The following REXO5 variants were observed in gnomAD, a reference collection of about 807,000 sequenced individuals.
The protein encoded by REXO5 is exonuclease NEF-sp.
In REXO5, 48 loss-of-function variants were observed where a neutral mutation model predicts 88.5. The ratio of observed to expected loss-of-function variants is 0.54; its 90% confidence interval spans 0.43 to 0.69. The LOEUF is 0.69. Among genes scored for constraint, REXO5 ranks in the 30% least tolerant of loss-of-function variants. REXO5 has a pLI of 0.00. For missense variants in REXO5, 749 were observed against 912.2 expected, an observed-to-expected ratio of 0.82 and a Z score of 2.30; for synonymous variants, 311 against 336.5, an observed-to-expected ratio of 0.92 and a Z score of 0.83.
intron 7 of REXO5, chr16:20,825,548 A>G (rs1426389131): frequency 7.1e-6 from 2 of 283,370 alleles, no homozygotes; most frequent in African/African-American, 2.2e-5. Context: ...ATTTAGCATA[A>G]TACTGGATAT....
chr16:20,817,066 A>AT (rs1457261578), intron 5 of REXO5, among the ~76,000 whole-genome samples: 1 of 152,216 alleles, frequency 6.6e-6, no homozygotes, highest in Non-Finnish European at 1.5e-5. Context: ...AGTTAGTTGC[A>AT]TATAGTAAGG....
intron 1 of REXO5, 51 bp downstream of exon 1, chr16:20,806,756 C>T (rs780515513): frequency 1.0e-4 from 107 of 1,028,356 alleles, no homozygotes; most frequent in South Asian, 2.1e-4. Flanking sequence ...CGCGGGTGTC[C>T]AGTCCGCGGA....
At chr16:20,816,325 ATTT>A (rs5816137) in intron 5 of REXO5, 113 bp downstream of exon 5, 849 of 498,898 alleles carry the variant, frequency 1.7e-3, no homozygotes, top group South Asian at 3.5e-3. Flanking sequence ...CACAAAAACA[ATTT>A]TTTTTTTTTT....
chr16:20,819,076 CCATGTCCCTGCAAAGGA>C, intron 5 of REXO5, among the ~76,000 whole-genome samples: 1 of 152,284 alleles, frequency 6.6e-6, no homozygotes, highest in South Asian at 2.1e-4. Context: ...CCAGTTCCAT[CCATGTCCCTGCAAAGGA>C]CATGGTCTTG....
At chr16:20,809,219 T>C (rs1001449000) in intron 2 of REXO5, among the ~76,000 whole-genome samples, 1 of 152,232 alleles carries the variant, frequency 6.6e-6, no homozygotes, top group Non-Finnish European at 1.5e-5. Context: ...TTGAAAGTAG[T>C]TGCTGACACA....
intron 13 of REXO5, among the ~76,000 whole-genome samples, chr16:20,836,532 A>C (rs545064354): frequency 6.6e-6 from 1 of 152,210 alleles, no homozygotes; most frequent in Non-Finnish European, 1.5e-5. Flanking sequence ...TCACCTGCTG[A>C]TAGACATCTT....
intron 19 of REXO5, among the ~76,000 whole-genome samples, chr16:20,847,512 T>C (rs1490605845): frequency 6.6e-6 from 1 of 151,642 alleles, no homozygotes; most frequent in Non-Finnish European, 1.5e-5. Flanking sequence ...TGAAGGTGGA[T>C]CAGAAGAAAT....
intron 15 of REXO5, 31 bp from the exon 16 acceptor site, chr16:20,843,903 C>T (rs776990207): frequency 2.0e-6 from 3 of 1,479,714 alleles, no homozygotes; most frequent in Non-Finnish European, 2.8e-6. Context: ...AGCTGGAAAG[C>T]AATGATGAGG....
rs1481252806 is a variant in REXO5 at position 20,847,264 on chromosome 16, A to C, written c.2243+925A>C. ...GTCTCTACCAAAAACACACACACAA[A>C]AAAAAAAACAAAAAAAAAAAACCCA... is the stretch of plus-strand genomic sequence containing the variant. On this transcript the variant is annotated intron_variant, in intron 19 of 19. Coordinates refer to ENST00000261377, the MANE Select transcript of REXO5 (RefSeq NM_030941.3). Among the ~76,000 whole-genome samples the C allele has an allele frequency of 1.5e-3, 129 of 85,950 alleles. 1 individual carries two copies. In the South Asian group the frequency reaches 0.025, roughly 16 times the overall value. The allele number at this position is 85,950 out of a possible 152,430, so 56.4% of individuals were successfully genotyped here.
intron 13 of REXO5, among the ~76,000 whole-genome samples, chr16:20,839,333 G>GT (rs1166865614): frequency 2.0e-5 from 3 of 150,212 alleles, no homozygotes; most frequent in South Asian, 2.1e-4. Flanking sequence ...TTATTTTGGG[G>GT]TTTTTTTATG....
intron 15 of REXO5, among the ~76,000 whole-genome samples, 175 bp downstream of exon 15, chr16:20,840,643 T>C (rs182526011): frequency 6.6e-6 from 1 of 152,250 alleles, no homozygotes; most frequent in Non-Finnish European, 1.5e-5. Context: ...TACCCAGTAT[T>C]GTGAGATCTT....
intron 6 of REXO5, 145 bp downstream of exon 6, chr16:20,822,047 C>T (rs1235121901): frequency 1.1e-5 from 9 of 821,272 alleles, no homozygotes; most frequent in Non-Finnish European, 8.8e-6. Context: ...GAAATATCTT[C>T]GGCACAGTGT....
chr16:20,816,589 C>T (rs912784337), intron 5 of REXO5, among the ~76,000 whole-genome samples: 1 of 152,142 alleles, frequency 6.6e-6, no homozygotes, highest in African/African-American at 2.4e-5. Flanking sequence ...GATCTTCCCA[C>T]CTTGGCTTCC....
At chr16:20,848,243 G>A (rs2152514208) in intron 19 of REXO5, among the ~76,000 whole-genome samples, 1 of 137,816 alleles carries the variant, frequency 7.3e-6, no homozygotes, top group African/African-American at 3.2e-5. Flanking sequence ...GGGAAACGTT[G>A]GGGAAAAAAG....
In REXO5 at chr16:20,819,427, TTTTC is replaced by T. The variant is rs199697194; in HGVS notation, c.476-2322_476-2319del. 3.6e-3 allele frequency among the ~76,000 whole-genome samples: 539 copies of T among 150,022 alleles called. 4 individuals carry two copies. Among genetic ancestry groups the T allele is most frequent in the Non-Finnish European group, 4.4e-3 (298 of 67,614 alleles). ...CTTTTCCTTTCCTTTCCTTCCTTTC[TTTTC>T]TTTCTTTCTTTCCTCCTTTTTTTTT... is the stretch of plus-strand genomic sequence containing the variant. On this transcript the variant is annotated intron_variant, in intron 5 of 19. Coordinates refer to ENST00000261377, the MANE Select transcript of REXO5 (RefSeq NM_030941.3).
At chr16:20,812,804 A>G (rs543639660) in intron 2 of REXO5, among the ~76,000 whole-genome samples, 1 of 152,264 alleles carries the variant, frequency 6.6e-6, no homozygotes, top group East Asian at 1.9e-4. Context: ...GCCTTCCCCA[A>G]ACTCTCTAAC....
chr16:20,809,820 G>A (rs2080969048), intron 2 of REXO5, among the ~76,000 whole-genome samples: 3 of 152,196 alleles, frequency 2.0e-5, no homozygotes, highest in African/African-American at 7.2e-5. Flanking sequence ...TCCCACCTCA[G>A]CCTCAGTGTA....
intron 5 of REXO5, among the ~76,000 whole-genome samples, chr16:20,820,112 C>T (rs2081145866): frequency 6.6e-6 from 1 of 152,166 alleles, no homozygotes; most frequent in Admixed American, 6.5e-5. Flanking sequence ...GCTTTAATTA[C>T]ATCACTTCCG....
chr16:20,848,050 C>T (rs2081637260), intron 19 of REXO5, among the ~76,000 whole-genome samples: 1 of 152,144 alleles, frequency 6.6e-6, no homozygotes, highest in Non-Finnish European at 1.5e-5. Flanking sequence ...AGCAGCAAAT[C>T]CTGTGGTGAA....
Sources: allele counts gnomAD v4.1 joint callset (sites outside exome capture counted in the v4.1 genomes callset), GRCh38; gene constraint gnomAD v4.1.1; transcripts MANE v1.5; gene names NCBI Gene and HGNC (gene_info 2026-07-23, HGNC 2026-07-21).